CHN1: variants seen among roughly 807,000 people sequenced by gnomAD.
CHN1 encodes the protein chimerin 1, also known as N-chimaerin.
A neutral mutation model predicts 59.5 loss-of-function variants in CHN1; 37 were observed. That is an observed-to-expected ratio of 0.62 (90% CI 0.48 to 0.82). The LOEUF is 0.82. Among genes scored for constraint, CHN1 ranks in the 40% least tolerant of loss-of-function variants. CHN1 has a pLI of 0.00. For synonymous variants in CHN1, 206 were observed against 200.4 expected, an observed-to-expected ratio of 1.03 and a Z score of -0.24; for missense variants, 469 against 571.0, an observed-to-expected ratio of 0.82 and a Z score of 1.82.
chr2:174,942,197 G>A (rs1197538876), intron 3 of CHN1, among the ~76,000 whole-genome samples: 2 of 152,112 alleles, frequency 1.3e-5, no homozygotes, highest in Non-Finnish European at 2.9e-5. Flanking sequence ...TGTCAAAGAG[G>A]TGTCTGTGTT....
chr2:174,868,763 A>G (rs1687307673), intron 6 of CHN1, among the ~76,000 whole-genome samples: 1 of 152,228 alleles, frequency 6.6e-6, no homozygotes, highest in South Asian at 2.1e-4. Flanking sequence ...TCCATTCTAC[A>G]GGACAGTTGA....
At chr2:175,000,538 G>A (rs1324335928) in intron 1 of CHN1, among the ~76,000 whole-genome samples, 1 of 151,878 alleles carries the variant, frequency 6.6e-6, no homozygotes, top group Non-Finnish European at 1.5e-5. Flanking sequence ...CTACCTCCTG[G>A]GTTCATGGGA....
At chr2:174,822,656 AT>A (rs1353216969) in intron 8 of CHN1, among the ~76,000 whole-genome samples, 1 of 152,234 alleles carries the variant, frequency 6.6e-6, no homozygotes, top group Middle Eastern at 3.2e-3. Flanking sequence ...CGAGCAGGCA[AT>A]TTGTGCTTTG....
chr2:174,895,188 G>A (rs1375729574), intron 5 of CHN1, among the ~76,000 whole-genome samples: 3 of 103,614 alleles, frequency 2.9e-5, no homozygotes, highest in South Asian at 2.7e-4. Context: ...GTATATATAT[G>A]TGTGTGTGTG....
chr2:174,881,067 G>A (rs911469999), intron 5 of CHN1, among the ~76,000 whole-genome samples: 6 of 150,076 alleles, frequency 4.0e-5, no homozygotes, highest in Non-Finnish European at 5.9e-5. Flanking sequence ...AAAAAAGTCC[G>A]TCTTCAGATT....
chr2:174,881,442 G>A (rs1361280625), intron 5 of CHN1, among the ~76,000 whole-genome samples: 5 of 152,096 alleles, frequency 3.3e-5, no homozygotes, highest in Non-Finnish European at 5.9e-5. Context: ...GAAATCATTC[G>A]TCAGATTCTG....
intron 7 of CHN1, among the ~76,000 whole-genome samples, chr2:174,838,179 C>T (rs1214687186): frequency 2.0e-5 from 3 of 152,066 alleles, no homozygotes; most frequent in African/African-American, 4.8e-5. Context: ...TTGCAACCTC[C>T]GCCTCCCAGG....
At chr2:174,855,199 A>T (rs1014432141) in intron 6 of CHN1, among the ~76,000 whole-genome samples, 1 of 152,190 alleles carries the variant, frequency 6.6e-6, no homozygotes, top group African/African-American at 2.4e-5. Flanking sequence ...CTCATGTAAC[A>T]TAAAAAGCCA....
chr2:174,970,502 AGTTT>A (rs1443844059), intron 1 of CHN1, among the ~76,000 whole-genome samples: 1 of 152,248 alleles, frequency 6.6e-6, no homozygotes, highest in Non-Finnish European at 1.5e-5. Context: ...TGAGCTTGAC[AGTTT>A]GTTAATATTT....
At chr2:174,952,333 G>T in intron 1 of CHN1, 131 bp from the exon 2 acceptor site, 1 of 488,434 alleles carries the variant, frequency 2.0e-6, no homozygotes. Flanking sequence ...GCACTAAGGG[G>T]CATTCAAGGG....
intron 6 of CHN1, among the ~76,000 whole-genome samples, chr2:174,858,979 T>TACAC (rs71407155): frequency 0.03 from 4,279 of 142,470 alleles, 77 homozygotes; most frequent in African/African-American, 0.037. Flanking sequence ...TTTCCTCCTC[T>TACAC]ACACACACAC....
intron 7 of CHN1, among the ~76,000 whole-genome samples, chr2:174,842,574 T>C (rs1686350637): frequency 1.3e-5 from 2 of 152,208 alleles, no homozygotes; most frequent in African/African-American, 4.8e-5. Context: ...ATTCATTTTG[T>C]ATTAATTTTA....
At chr2:174,953,623 C>G (rs1015279802) in intron 1 of CHN1, among the ~76,000 whole-genome samples, 1 of 152,118 alleles carries the variant, frequency 6.6e-6, no homozygotes, top group Non-Finnish European at 1.5e-5. Context: ...TATACACCAA[C>G]TGTGACCAAG....
At chr2:174,801,433 T>C (rs1684718115) in intron 12 of CHN1, among the ~76,000 whole-genome samples, 1 of 152,216 alleles carries the variant, frequency 6.6e-6, no homozygotes, top group African/African-American at 2.4e-5. Flanking sequence ...AATTAGTGCA[T>C]GTCCTTGGCA....
intron 5 of CHN1, among the ~76,000 whole-genome samples, chr2:174,902,391 TA>T (rs1416547527): frequency 6.6e-6 from 1 of 152,174 alleles, no homozygotes; most frequent in Non-Finnish European, 1.5e-5. Context: ...TCAATGTTTT[TA>T]AAAAGCTTTT....
intron 5 of CHN1, among the ~76,000 whole-genome samples, chr2:174,887,778 G>T (rs74916084): frequency 0.039 from 6,001 of 152,182 alleles, 424 homozygotes; most frequent in African/African-American, 0.14. Context: ...GTCGTAAACG[G>T]AATGAAAAAT....
At chr2:174,916,598 G>A (rs922759431) in intron 4 of CHN1, among the ~76,000 whole-genome samples, 2 of 152,184 alleles carry the variant, frequency 1.3e-5, no homozygotes, top group African/African-American at 4.8e-5. Context: ...AGGGGCAAGA[G>A]GAAATTTTCT....
intron 1 of CHN1, among the ~76,000 whole-genome samples, chr2:174,962,501 G>A (rs940895210): frequency 3.3e-5 from 5 of 151,958 alleles, no homozygotes; most frequent in East Asian, 1.9e-4. Flanking sequence ...CAGAAAATCC[G>A]CCCAGACCCA....
chr2:174,905,732 A>AT (rs1688525371), intron 5 of CHN1, among the ~76,000 whole-genome samples: 1 of 151,690 alleles, frequency 6.6e-6, no homozygotes, highest in Non-Finnish European at 1.5e-5. Flanking sequence ...TAATTTTTGT[A>AT]TTTTTTTAGT....
Sources: allele counts gnomAD v4.1 joint callset (sites outside exome capture counted in the v4.1 genomes callset), GRCh38; gene constraint gnomAD v4.1.1; transcripts MANE v1.5; gene names NCBI Gene and HGNC (gene_info 2026-07-23, HGNC 2026-07-21).